AGBL1: variants seen among roughly 807,000 people sequenced by gnomAD.
The protein encoded by AGBL1 is cytosolic carboxypeptidase 4.
AGBL1 carries 130 observed loss-of-function variants against 118.9 expected under a neutral mutation model. The observed-to-expected ratio is 1.09, with a 90% CI of 0.95 to 1.26. The LOEUF is 1.26. Ranked by LOEUF, AGBL1 falls within the 50% of genes most tolerant of loss-of-function variation. The pLI is 0.00. For missense variants in AGBL1, 1,584 were observed against 1,298.1 expected (o/e 1.22, Z -3.38); for synonymous variants, 555 against 478.9 (o/e 1.16, Z -2.08).
At chr15:86,660,144 C>T (rs866679383) in intron 21 of AGBL1, among the ~76,000 whole-genome samples, 6 of 151,664 alleles carry the variant, frequency 4.0e-5, no homozygotes, top group African/African-American at 1.5e-4. Context: ...CGGTTTCCTG[C>T]AGAAAATGTC....
chr15:86,176,028 G>GT (rs1394436705), intron 5 of AGBL1, among the ~76,000 whole-genome samples: 5 of 152,266 alleles, frequency 3.3e-5, no homozygotes, highest in East Asian at 3.9e-4. Flanking sequence ...TAAATCCAAT[G>GT]TTTTTTTGCT....
chr15:86,809,947 T>C (rs912470515), intron 22 of AGBL1, among the ~76,000 whole-genome samples: 2 of 152,064 alleles, frequency 1.3e-5, no homozygotes, highest in Non-Finnish European at 1.5e-5. Context: ...ATAGGATAAA[T>C]AATTACCTCT....
Position 86,264,283 on chromosome 15 carries a change from A to G in AGBL1, c.1112A>G (p.Asp371Gly), listed in dbSNP as rs750430310. 1 of 1,604,198 alleles carries G rather than the reference A, an allele frequency of 6.2e-7. No homozygotes were observed. Among genetic ancestry groups the G allele is most frequent in the South Asian group, 1.1e-5 (1 of 88,964 alleles). Residue 371 changes from aspartate (D) to glycine (G), a missense_variant, in exon 11 of 23, where the codon GAT (aspartate) becomes GGT (glycine). Transcript: ENST00000614907. ...GAACTGCAGTCCAAACTTGGAGATG[A>G]TTTGAACTCTGAAAAGACTCAGTAT... ...FEELQSKLGD[D>G]LNSEKTQYAN...
intron 23 of AGBL1, among the ~76,000 whole-genome samples, chr15:86,979,557 C>T (rs1486289339): frequency 1.3e-5 from 2 of 151,884 alleles, no homozygotes; most frequent in East Asian, 1.9e-4. Context: ...GGCGCGATCT[C>T]GGCTCACTGC....
chr15:86,825,962 C>T (rs1172306504), intron 22 of AGBL1, among the ~76,000 whole-genome samples: 1 of 151,494 alleles, frequency 6.6e-6, no homozygotes, highest in African/African-American at 2.4e-5. Context: ...TATAGATACA[C>T]ATGCAGTTGT....
intron 5 of AGBL1, among the ~76,000 whole-genome samples, chr15:86,222,965 G>A (rs2078302848): frequency 1.3e-5 from 2 of 152,116 alleles, no homozygotes; most frequent in African/African-American, 4.8e-5. Context: ...TTCTTATTCA[G>A]CAGGCCAGGG....
At position 86,979,489 on chromosome 15, in the gene AGBL1, C is replaced by CTTT. The variant is rs60598448; in HGVS notation, c.3222-8492_3222-8490dup. On this transcript the variant is annotated intron_variant, in intron 23 of 24. Transcript: ENST00000441037. The stretch of plus-strand genomic sequence containing the variant: ...GTAGAGGCACTTTCTTTTTTTCTTT[C>CTTT]TTTTTTTTGGCGGGGGGGAGATGGT... Among the ~76,000 whole-genome samples the CTTT allele has an allele frequency of 4.0e-3, 605 of 150,850 alleles. 8 individuals carry two copies. Among genetic ancestry groups the CTTT allele is most frequent in the African/African-American group, 0.014 (563 of 41,078 alleles).
intron 6 of AGBL1, among the ~76,000 whole-genome samples, chr15:86,232,306 A>C (rs2078469449): frequency 6.6e-6 from 1 of 152,182 alleles, no homozygotes; most frequent in Admixed American, 6.5e-5. Flanking sequence ...GCTGAGCCGC[A>C]GACAGTAAAG....
chr15:86,436,089 C>CTTTTTTTTTTTT (rs35296563), intron 18 of AGBL1, among the ~76,000 whole-genome samples: 1 of 111,542 alleles, frequency 9.0e-6, no homozygotes, highest in Non-Finnish European at 1.7e-5. Flanking sequence ...CCTTTCCTCT[C>CTTTTTTTTTTTT]TTTTTTTTTT....
At chr15:86,994,863 C>A (rs765685852) in intron 24 of AGBL1, among the ~76,000 whole-genome samples, 1 of 152,178 alleles carries the variant, frequency 6.6e-6, no homozygotes, top group East Asian at 1.9e-4. Context: ...TTATAATGGT[C>A]GAAAGAAACA....
chr15:86,786,043 T>G (rs2078407614), intron 22 of AGBL1, among the ~76,000 whole-genome samples: 1 of 152,166 alleles, frequency 6.6e-6, no homozygotes, highest in Non-Finnish European at 1.5e-5. Context: ...GTGAAGGGAT[T>G]TGGCTTCTTT....
At chr15:86,665,688 A>C (rs2085632103) in intron 21 of AGBL1, among the ~76,000 whole-genome samples, 2 of 152,088 alleles carry the variant, frequency 1.3e-5, no homozygotes, top group Non-Finnish European at 2.9e-5. Context: ...CCTGGTTTGG[A>C]GATGATAAAA....
chr15:86,243,065 C>T (rs1419016100), intron 6 of AGBL1, among the ~76,000 whole-genome samples: 1 of 152,220 alleles, frequency 6.6e-6, no homozygotes, highest in Non-Finnish European at 1.5e-5. Context: ...CTGTGGACTG[C>T]TTGCCCTTCT....
intron 18 of AGBL1, among the ~76,000 whole-genome samples, chr15:86,506,092 G>A (rs1350180456): frequency 6.6e-6 from 1 of 152,020 alleles, no homozygotes; most frequent in Middle Eastern, 3.2e-3. Context: ...GCGTTTGCTA[G>A]GGAACCTACT....
chr15:86,897,891 T>A (rs1246170738), intron 22 of AGBL1, among the ~76,000 whole-genome samples: 1 of 146,338 alleles, frequency 6.8e-6, no homozygotes, highest in Non-Finnish European at 1.5e-5. Context: ...CACCTCAGCC[T>A]CCTGAGTATC....
At chr15:86,438,690 C>T (rs975450046) in intron 18 of AGBL1, among the ~76,000 whole-genome samples, 1 of 138,588 alleles carries the variant, frequency 7.2e-6, no homozygotes, top group Non-Finnish European at 1.5e-5. Context: ...GAGGTGGAGT[C>T]TCGCTCTGTC....
chr15:86,374,011 C>T (rs1247026910), intron 17 of AGBL1, among the ~76,000 whole-genome samples: 3 of 152,092 alleles, frequency 2.0e-5, no homozygotes, highest in African/African-American at 4.8e-5. Flanking sequence ...GAAAGTTGAC[C>T]GTCATACAGA....
intron 17 of AGBL1, among the ~76,000 whole-genome samples, chr15:86,356,450 A>G (rs1200546121): frequency 1.3e-5 from 2 of 152,118 alleles, no homozygotes; most frequent in East Asian, 1.9e-4. Context: ...AAGATCAACT[A>G]ATGTCCAGAC....
chr15:86,192,063 T>C (rs374025019), intron 5 of AGBL1, among the ~76,000 whole-genome samples: 3 of 151,782 alleles, frequency 2.0e-5, no homozygotes, highest in East Asian at 3.9e-4. Context: ...TGTGCCACTG[T>C]ACTCTGTCCT....
Sources: allele counts gnomAD v4.1 joint callset (sites outside exome capture counted in the v4.1 genomes callset), GRCh38; gene constraint gnomAD v4.1.1; transcripts MANE v1.5; gene names NCBI Gene and HGNC (gene_info 2026-07-23, HGNC 2026-07-21).